ZNF420: variants seen among roughly 807,000 people sequenced by gnomAD.
ZNF420 encodes the protein ATM and p53-associated KZNF protein.
ZNF420 carries 31 observed loss-of-function variants against 44.7 expected under a neutral mutation model. That is an observed-to-expected ratio of 0.69 (90% CI 0.52 to 0.94). The LOEUF (loss-of-function observed/expected upper bound fraction) is 0.94, where lower values mean the gene tolerates loss of function less well. ZNF420 is among the 40% of genes least tolerant of loss of function. The pLI is 0.00. For missense variants in ZNF420, 681 were observed against 827.9 expected (o/e 0.82, Z 2.18); for synonymous variants, 245 against 267.4 (o/e 0.92, Z 0.82).
At chr19:37,077,173 C>T (rs1212610847), upstream of ZNF420, among the ~76,000 whole-genome samples, 1 of 152,152 alleles carries the variant, frequency 6.6e-6, no homozygotes, top group Non-Finnish European at 1.5e-5. Flanking sequence ...AAAATAAGTT[C>T]AGGTTTACCA....
At chr19:37,041,289 C>T (rs1474119583) in intron 1 of ZNF420, among the ~76,000 whole-genome samples, 1 of 145,012 alleles carries the variant, frequency 6.9e-6, no homozygotes, top group Non-Finnish European at 1.5e-5. Context: ...CCAGCCTGGG[C>T]GACGGAGTGA....
At position 37,073,135 on chromosome 19, in the gene ZNF420, A is replaced by C. The variant is rs1968086605; in HGVS notation, c.-124-7210A>C. Among the ~76,000 whole-genome samples, 5 of 152,198 alleles carry C rather than the reference A, an allele frequency of 3.3e-5. 1 individual carries two copies. In the South Asian group the frequency reaches 1.0e-3, roughly 32 times the overall value. ...TGAGGGAGGTTGACTTGACCCTAGG[A>C]GTTCAAGGTTACCATGAGCCATGAT... On this transcript the variant is annotated intron_variant, in intron 1 of 4. Transcript: ENST00000587029.
At chr19:37,097,922 C>T (rs1299116315) in intron 4 of ZNF420, among the ~76,000 whole-genome samples, 1 of 152,104 alleles carries the variant, frequency 6.6e-6, no homozygotes, top group Non-Finnish European at 1.5e-5. Context: ...GGGTAGATTA[C>T]AATATTTTTA....
rs1395373327 is a variant in ZNF420 at position 37,128,425 on chromosome 19, G to A, written c.1434G>A (p.Lys478=). The change falls in exon 5 of 5, where the codon AAG becomes AAA. Residue 478 remains lysine (K), a synonymous_variant. Transcript: ENST00000337995. ...IHTGEKPYEC[K]ECGKSFIRGS... ...CAGGTGAGAAACCCTATGAATGTAA[G>A]GAATGTGGGAAATCTTTTATTCGTG... 1.2e-6 allele frequency: 2 copies of A among 1,613,950 alleles called. No individual in the cohort carries two copies. The highest frequency in any genetic ancestry group is 1.7e-6 in the Non-Finnish European group (2 of 1,179,940).
chr19:37,128,934 G>C lies in ZNF420; in HGVS notation c.1943G>C (p.Cys648Ser). ...GAGAAACCATATCAATGTAAGGAAT[G>C]TGGGAAGGCCTTTACTCGTGGTTCA... is the stretch of plus-strand genomic sequence containing the variant. Reference protein sequence around the residue: ...TGEKPYQCKECGKAFTRGSQL... With the variant: ...TGEKPYQCKESGKAFTRGSQL... The change falls in exon 5 of 5, where the codon TGT becomes TCT. Residue 648 changes from cysteine to serine, a missense_variant. Coordinates refer to ENST00000337995, the MANE Select transcript of ZNF420 (RefSeq NM_144689.5). 1 of 1,614,148 alleles carries C rather than the reference G, an allele frequency of 6.2e-7. No individual in the cohort carries two copies. Among genetic ancestry groups the C allele is most frequent in the Non-Finnish European group, 8.5e-7 (1 of 1,179,992 alleles).
intron 1 of ZNF420, among the ~76,000 whole-genome samples, chr19:37,053,426 G>A (rs538398701): frequency 1.3e-5 from 2 of 152,340 alleles, no homozygotes; most frequent in South Asian, 2.1e-4. Context: ...CTTGGAGGAG[G>A]AGAGGCACTC....
upstream of ZNF420, chr19:37,075,222 G>A (rs1467286747): frequency 6.6e-6 from 1 of 152,106 alleles, no homozygotes; most frequent in Non-Finnish European, 1.5e-5. Context: ...ACATAAATAT[G>A]AAACTGGCAT....
intron 4 of ZNF420, among the ~76,000 whole-genome samples, chr19:37,095,237 G>C (rs780236554): frequency 6.6e-6 from 1 of 151,958 alleles, no homozygotes; most frequent in Non-Finnish European, 1.5e-5. Context: ...ATTTCTGCCT[G>C]TTTTGGTACT....
Position 37,130,041 on chromosome 19 carries a change from C to T in ZNF420, c.*983C>T, listed in dbSNP as rs1971578799. On this transcript the variant is annotated 3_prime_UTR_variant, in exon 5 of 5. Transcript: ENST00000337995. Reference sequence around the variant, plus strand: ...TTTCTGGGCTGAAAATCTCAGCCTTCCTTGCAGGTCAACAAGATAGAAGTG... The same window carrying T: ...TTTCTGGGCTGAAAATCTCAGCCTTTCTTGCAGGTCAACAAGATAGAAGTG... 4.5e-6 allele frequency: 7 copies of T among 1,538,528 alleles called. No individual in the cohort carries two copies. Among genetic ancestry groups the T allele is most frequent in the African/African-American group, 1.4e-5 (1 of 72,446 alleles).
chr19:37,102,206 T>C (rs986639119), intron 4 of ZNF420, among the ~76,000 whole-genome samples: 1 of 152,198 alleles, frequency 6.6e-6, no homozygotes, highest in African/African-American at 2.4e-5. Context: ...AGGGGATAGT[T>C]CTCCAGTTAT....
Position 37,127,885 on chromosome 19 carries a change from G to C in ZNF420, c.894G>C (p.Lys298Asn), listed in dbSNP as rs572200533. ...AGCTCTCACAACTTATTCTGCATAAGAGAATTCATACCGGTGAGAAACCCT... is the reference window on the plus strand; with the variant it reads ...AGCTCTCACAACTTATTCTGCATAACAGAATTCATACCGGTGAGAAACCCT... The part of the protein sequence containing the change: ...FTQLSQLILH[K>N]RIHTGEKPYE... The change falls in exon 5 of 5, where the codon AAG (lysine) becomes AAC (asparagine). Residue 298 changes from lysine (K) to asparagine (N), a missense_variant. Coordinates refer to ENST00000337995, the MANE Select transcript of ZNF420 (RefSeq NM_144689.5). 3.5e-5 allele frequency: 56 copies of C among 1,613,974 alleles called. No homozygotes were observed. In the South Asian group the frequency reaches 5.9e-4, roughly 17 times the overall value.
At chr19:37,010,608 T>C (rs1417435686) in intron 1 of ZNF420, among the ~76,000 whole-genome samples, 1 of 152,034 alleles carries the variant, frequency 6.6e-6, no homozygotes, top group Non-Finnish European at 1.5e-5. Context: ...TGAATGAATG[T>C]GCCCTGTGCA....
At chr19:37,067,688 T>C (rs1967990432) in intron 1 of ZNF420, among the ~76,000 whole-genome samples, 1 of 152,130 alleles carries the variant, frequency 6.6e-6, no homozygotes, top group Non-Finnish European at 1.5e-5. Context: ...AGATCCTCAC[T>C]GAAGAAAACT....
At chr19:37,033,859 C>T (rs1568424966) in intron 1 of ZNF420, among the ~76,000 whole-genome samples, 2 of 152,106 alleles carry the variant, frequency 1.3e-5, no homozygotes, top group South Asian at 4.1e-4. Flanking sequence ...CAGGTTCAAG[C>T]GATTCTGCTG....
At chr19:37,076,070 T>A (rs1706913779), upstream of ZNF420, among the ~76,000 whole-genome samples, 1 of 152,120 alleles carries the variant, frequency 6.6e-6, no homozygotes, top group South Asian at 2.1e-4. Context: ...TTTAAAAAAA[T>A]CACATATCAA....
chr19:37,031,267 CTTA>C (rs1234646580), intron 1 of ZNF420, among the ~76,000 whole-genome samples: 1 of 152,118 alleles, frequency 6.6e-6, no homozygotes, highest in Non-Finnish European at 1.5e-5. Context: ...CTATTTCATT[CTTA>C]TTGTGAAATT....
chr19:37,124,923 G>A (rs769867681), intron 4 of ZNF420, among the ~76,000 whole-genome samples: 1 of 152,018 alleles, frequency 6.6e-6, no homozygotes, highest in Non-Finnish European at 1.5e-5. Context: ...TGCAACCTCC[G>A]CCTCCCAGGT....
chr19:37,057,014 G>T (rs897428218), intron 1 of ZNF420, among the ~76,000 whole-genome samples: 46 of 152,222 alleles, frequency 3.0e-4, no homozygotes, highest in Admixed American at 7.2e-4. Context: ...TGCGCGAAGC[G>T]CCAGCCAATT....
chr19:37,076,055 C>T (rs1008178917), upstream of ZNF420, among the ~76,000 whole-genome samples: 1 of 152,026 alleles, frequency 6.6e-6, no homozygotes, highest in South Asian at 2.1e-4. Flanking sequence ...GCTGCCTATA[C>T]TTTTTTTAAA....
Sources: allele counts gnomAD v4.1 joint callset (sites outside exome capture counted in the v4.1 genomes callset), GRCh38; gene constraint gnomAD v4.1.1; transcripts MANE v1.5; gene names NCBI Gene and HGNC (gene_info 2026-07-23, HGNC 2026-07-21).